RBFOX1: variants seen among roughly 807,000 people sequenced by gnomAD.
RBFOX1 encodes RNA binding fox-1 homolog 1.
Under a neutral mutation model 57.7 loss-of-function variants are expected in RBFOX1, and 8 were observed. The ratio of observed to expected loss-of-function variants is 0.14; its 90% confidence interval spans 0.08 to 0.25. RBFOX1 has a LOEUF of 0.25. Among genes scored for constraint, RBFOX1 ranks in the 10% least tolerant of loss-of-function variants. The pLI is 1.00. For synonymous variants in RBFOX1, 326 were observed against 222.4 expected, an observed-to-expected ratio of 1.47 and a Z score of -4.15; for missense variants, 611 against 548.5, an observed-to-expected ratio of 1.11 and a Z score of -1.14.
chr16:7,521,822 T>C (rs2077568455), intron 5 of RBFOX1, among the ~76,000 whole-genome samples: 1 of 152,140 alleles, frequency 6.6e-6, no homozygotes, highest in Non-Finnish European at 1.5e-5. Flanking sequence ...GCCCATACAA[T>C]AAAAAGTCCA....
chr16:6,200,541 C>T (rs571789021), intron 1 of RBFOX1, among the ~76,000 whole-genome samples: 1 of 152,208 alleles, frequency 6.6e-6, no homozygotes, highest in South Asian at 2.1e-4. Context: ...CAATATAAAC[C>T]ATGGGACTTA....
At chr16:7,488,845 TTATC>T (rs1027371605) in intron 4 of RBFOX1, among the ~76,000 whole-genome samples, 6 of 152,254 alleles carry the variant, frequency 3.9e-5, no homozygotes, top group Non-Finnish European at 5.9e-5. Flanking sequence ...CTCACATCCA[TTATC>T]TATCTATACA....
intron 3 of RBFOX1, among the ~76,000 whole-genome samples, chr16:6,895,448 GTATATATATATATA>G (rs71147622): frequency 1.8e-5 from 1 of 54,612 alleles, no homozygotes; most frequent in African/African-American, 8.7e-5. Context: ...GTGTGTGTGT[GTATATATATATATA>G]TATATATATA....
chr16:7,035,578 A>G (rs1325312489), intron 3 of RBFOX1, among the ~76,000 whole-genome samples: 3 of 152,128 alleles, frequency 2.0e-5, no homozygotes, highest in Non-Finnish European at 4.4e-5. Flanking sequence ...TTCTGAAGGT[A>G]AAGCTCTGCG....
At chr16:6,481,769 T>C (rs1318342830) in intron 2 of RBFOX1, among the ~76,000 whole-genome samples, 4 of 152,156 alleles carry the variant, frequency 2.6e-5, no homozygotes, top group Non-Finnish European at 5.9e-5. Context: ...GAAATAAGGT[T>C]TTACTTTATG....
intron 4 of RBFOX1, among the ~76,000 whole-genome samples, chr16:7,470,077 G>T (rs2061292962): frequency 1.3e-5 from 2 of 148,780 alleles, no homozygotes; most frequent in African/African-American, 2.5e-5. Context: ...TATAACACAT[G>T]TTATCTGTTC....
chr16:5,787,492 G>T (rs1251100999), intron 3 of RBFOX1, among the ~76,000 whole-genome samples: 5 of 152,172 alleles, frequency 3.3e-5, no homozygotes, highest in Admixed American at 1.3e-4. Flanking sequence ...AGCCATGAGG[G>T]GATGACACTG....
At chr16:5,399,662 GGA>G (rs1271954546) in intron 1 of RBFOX1, among the ~76,000 whole-genome samples, 1 of 152,020 alleles carries the variant, frequency 6.6e-6, no homozygotes, top group African/African-American at 2.4e-5. Flanking sequence ...CCTGAGCACA[GGA>G]GATCAAGGCT....
At chr16:7,311,461 G>C (rs1200580323) in intron 4 of RBFOX1, among the ~76,000 whole-genome samples, 2 of 143,636 alleles carry the variant, frequency 1.4e-5, no homozygotes, top group African/African-American at 5.2e-5. Flanking sequence ...AAAAGGTTTA[G>C]TCTTGATGAG....
At chr16:7,029,212 A>G (rs763801584) in intron 3 of RBFOX1, among the ~76,000 whole-genome samples, 10,694 of 41,862 alleles carry the variant, frequency 0.26, 1,420 homozygotes, top group Non-Finnish European at 0.31. Flanking sequence ...ACGTATACGT[A>G]TATATATACA....
chr16:7,685,315 T>A (rs187036268), intron 14 of RBFOX1, among the ~76,000 whole-genome samples: 7 of 152,292 alleles, frequency 4.6e-5, no homozygotes, highest in African/African-American at 1.7e-4. Flanking sequence ...CCTTCTTCAA[T>A]GAGAGAGTAA....
chr16:7,092,279 T>C (rs538599547), intron 4 of RBFOX1, among the ~76,000 whole-genome samples: 3 of 152,318 alleles, frequency 2.0e-5, no homozygotes, highest in African/African-American at 7.2e-5. Flanking sequence ...GAGCCAGAAA[T>C]GCTATCGCAT....
chr16:6,969,504 G>A (rs768029810), intron 3 of RBFOX1, among the ~76,000 whole-genome samples: 2 of 152,108 alleles, frequency 1.3e-5, no homozygotes, highest in Non-Finnish European at 2.9e-5. Flanking sequence ...GGAGGCCAAC[G>A]TAGGTGGATC....
chr16:5,291,965 G>A (rs2063546360), intron 1 of RBFOX1, among the ~76,000 whole-genome samples: 1 of 150,468 alleles, frequency 6.6e-6, no homozygotes, highest in Non-Finnish European at 1.5e-5. Context: ...TGATGAAGAT[G>A]TCTAGACTTT....
chr16:7,293,646 G>A (rs1603534484), intron 4 of RBFOX1, among the ~76,000 whole-genome samples: 1 of 152,144 alleles, frequency 6.6e-6, no homozygotes, highest in South Asian at 2.1e-4. Context: ...GCAATTTGGG[G>A]ACTAAAACTT....
intron 3 of RBFOX1, among the ~76,000 whole-genome samples, chr16:6,693,878 C>T (rs181992480): frequency 2.6e-5 from 4 of 152,346 alleles, no homozygotes; most frequent in African/African-American, 4.8e-5. Context: ...CACAGAGTGC[C>T]ATATACAATG....
At chr16:6,472,854 A>C (rs990565051) in intron 2 of RBFOX1, among the ~76,000 whole-genome samples, 1 of 151,540 alleles carries the variant, frequency 6.6e-6, no homozygotes, top group Non-Finnish European at 1.5e-5. Context: ...CGAACTCCCA[A>C]CCTTATTTGA....
At chr16:6,121,513 C>T (rs1310991335) in intron 1 of RBFOX1, among the ~76,000 whole-genome samples, 1 of 152,194 alleles carries the variant, frequency 6.6e-6, no homozygotes, top group South Asian at 2.1e-4. Flanking sequence ...CAGGAATGAT[C>T]CAGCCACATT....
intron 3 of RBFOX1, among the ~76,000 whole-genome samples, chr16:5,712,587 T>A (rs8056639): frequency 0.067 from 10,176 of 151,146 alleles, 1,134 homozygotes; most frequent in African/African-American, 0.23. Context: ...CTCACTTAAT[T>A]CCCATAACAG....
Sources: allele counts gnomAD v4.1 joint callset (sites outside exome capture counted in the v4.1 genomes callset), GRCh38; gene constraint gnomAD v4.1.1; transcripts MANE v1.5; gene names NCBI Gene and HGNC (gene_info 2026-07-23, HGNC 2026-07-21).